The following LOXL4 variants were observed in gnomAD, a reference collection of about 807,000 sequenced individuals.
LOXL4 encodes the protein lysyl oxidase like 4.
A neutral mutation model predicts 89.1 loss-of-function variants in LOXL4; 72 were observed. The ratio of observed to expected loss-of-function variants is 0.81; its 90% confidence interval spans 0.67 to 0.98. The LOEUF (loss-of-function observed/expected upper bound fraction) is 0.98. Ranked by LOEUF, LOXL4 falls within the 50% of genes least tolerant of loss-of-function variation. The probability of loss-of-function intolerance (pLI) is 0.00; values close to 1 mark genes in which losing one functional copy is unlikely to be tolerated. For missense variants in LOXL4, 984 were observed against 1,017.5 expected (o/e 0.97, Z 0.45); for synonymous variants, 355 against 392.1 (o/e 0.91, Z 1.12).
chr10:98,249,259 T>C (rs1353325490), intron 14 of LOXL4, among the ~76,000 whole-genome samples: 2 of 152,252 alleles, frequency 1.3e-5, no homozygotes, highest in Non-Finnish European at 2.9e-5. Flanking sequence ...TTTTTCCCTC[T>C]GTGCCCTAGG....
At chr10:98,263,968 T>C (rs1858617109) in intron 1 of LOXL4, among the ~76,000 whole-genome samples, 1 of 151,986 alleles carries the variant, frequency 6.6e-6, no homozygotes, top group Non-Finnish European at 1.5e-5. Flanking sequence ...CCTGACCTCG[T>C]GATCCATCCG....
intron 10 of LOXL4, among the ~76,000 whole-genome samples, chr10:98,255,094 T>C (rs1448192837): frequency 6.6e-6 from 1 of 152,222 alleles, no homozygotes; most frequent in African/African-American, 2.4e-5. Context: ...CAAAGTCTTT[T>C]TGGGTAAATC....
At chr10:98,264,642 C>G (rs949737397) in intron 1 of LOXL4, among the ~76,000 whole-genome samples, 2 of 152,022 alleles carry the variant, frequency 1.3e-5, no homozygotes, top group East Asian at 1.9e-4. Flanking sequence ...TCCTCTCCCC[C>G]TCACACAGCA....
rs1467714622 is a variant in LOXL4 at position 98,247,904 on chromosome 10, C to A, written c.*1017G>T. 1 of 152,200 alleles carries A rather than the reference C, an allele frequency of 6.6e-6. No homozygotes were observed. The highest frequency in any genetic ancestry group is 1.5e-5 in the Non-Finnish European group (1 of 68,056). 9.4% of individuals were successfully genotyped at this position (152,200 alleles called of 1,614,324 possible). A position where few individuals can be genotyped will look rare whatever the true frequency, so the allele number is the denominator to read the frequency against. ...CATCCTTAACTAAACTGACTGTTCC[C>A]CCTTCTGATTTCTCCACGGTCTTCT... On this transcript the variant is annotated 3_prime_UTR_variant, in exon 15 of 15. Coordinates refer to ENST00000260702, the MANE Select transcript of LOXL4 (RefSeq NM_032211.7).
At chr10:98,251,207 G>A (rs1372344251) in intron 13 of LOXL4, 31 bp from the exon 14 acceptor site, 3 of 1,508,996 alleles carry the variant, frequency 2.0e-6, no homozygotes, top group South Asian at 2.3e-5. Flanking sequence ...ACTGAAAATG[G>A]GTGATTTGGT....
chr10:98,257,112 G>A (rs1009834342), intron 8 of LOXL4, among the ~76,000 whole-genome samples, 165 bp from the exon 9 acceptor site: 2 of 152,204 alleles, frequency 1.3e-5, no homozygotes, highest in Admixed American at 6.5e-5. Flanking sequence ...CAGTGTAGCA[G>A]GTAGTCTCTA....
chr10:98,258,225 C>T (rs922717193), intron 6 of LOXL4, 61 bp from the exon 7 acceptor site: 2 of 1,501,686 alleles, frequency 1.3e-6, no homozygotes, highest in South Asian at 1.3e-5. Context: ...GGGCTGAGCC[C>T]CCACAGCGGG....
chr10:98,257,461 C>G (rs887184617), intron 8 of LOXL4, among the ~76,000 whole-genome samples, 189 bp downstream of exon 8: 1 of 152,170 alleles, frequency 6.6e-6, no homozygotes, highest in Non-Finnish European at 1.5e-5. Context: ...ATCTGCAGAG[C>G]CCCTGTGGCC....
intron 3 of LOXL4, 26 bp downstream of exon 3, chr10:98,262,009 G>T: frequency 6.3e-7 from 1 of 1,587,768 alleles, no homozygotes; most frequent in South Asian, 1.1e-5. Flanking sequence ...CCTTGGCTCA[G>T]ACCAGAGCCT....
At chr10:98,266,606 C>T (rs140696941) in intron 1 of LOXL4, among the ~76,000 whole-genome samples, 79 of 152,244 alleles carry the variant, frequency 5.2e-4, no homozygotes, top group African/African-American at 1.7e-3. Flanking sequence ...GGTGGGGGGA[C>T]GGCAGCGGGA....
intron 2 of LOXL4, among the ~76,000 whole-genome samples, chr10:98,262,433 C>T (rs550029884): frequency 3.4e-4 from 52 of 152,286 alleles, no homozygotes; most frequent in Middle Eastern, 3.4e-3. Context: ...TGGAAAATGC[C>T]GGGTAGCTCT....
chr10:98,258,480 ACGAGGC>A (rs1858446596), intron 6 of LOXL4, among the ~76,000 whole-genome samples: 1 of 151,636 alleles, frequency 6.6e-6, no homozygotes, highest in South Asian at 2.1e-4. Flanking sequence ...GTACCACCTC[ACGAGGC>A]TATCTCAGTG....
At chr10:98,261,931 C>T (rs971830947) in intron 3 of LOXL4, 104 bp downstream of exon 3, 3 of 1,231,942 alleles carry the variant, frequency 2.4e-6, no homozygotes, top group African/African-American at 1.5e-5. Flanking sequence ...TCAGTGCAGA[C>T]TGCACCCTTT....
At chr10:98,258,900 G>T in intron 6 of LOXL4, 109 bp downstream of exon 6, 2 of 764,064 alleles carry the variant, frequency 2.6e-6, no homozygotes, top group Non-Finnish European at 4.2e-6. Context: ...CCTCCTCCCA[G>T]TCTGGTTCCT....
chr10:98,259,321 G>T (rs1212303460), intron 5 of LOXL4, 70 bp downstream of exon 5: 1 of 1,546,414 alleles, frequency 6.5e-7, no homozygotes, highest in Non-Finnish European at 8.9e-7. Context: ...GAAGGGGAGG[G>T]TAGGGGATGG....
rs753970718 is a variant in LOXL4, at chr10:98,257,658, GA to G, written c.1251del (p.Gln418ArgfsTer23). 1 of 1,613,442 alleles carries G rather than the reference GA, an allele frequency of 6.2e-7. No homozygotes were observed. Among genetic ancestry groups the G allele is most frequent in the South Asian group, 1.1e-5 (1 of 90,996 alleles). On this transcript the variant is annotated frameshift_variant, in exon 8 of 15. Coordinates refer to ENST00000260702, the MANE Select transcript of LOXL4 (RefSeq NM_032211.7). LOFTEE classifies it high-confidence loss of function. ...AVRCNVPNMG[F>X]QNQVRLAGGR... ...CTCAGACCCAAACTCACCTGATTCT[GA>G]AAGCCCATGTTAGGGACATTGCACC...
In LOXL4 at chr10:98,260,963, C is replaced by T. The variant is rs1476623118; in HGVS notation, c.621G>A (p.Leu207=). The change falls in exon 4 of 15, where the codon CTG becomes CTA. Residue 207 remains leucine, a synonymous_variant. Coordinates refer to ENST00000260702, the MANE Select transcript of LOXL4 (RefSeq NM_032211.7). ...MNNSRVVCGM[L]GFPSEVPVDS... Reference sequence around the variant, plus strand: ...CGACAGGCACCTCGCTGGGGAAGCCCAGCATCCCGCACACCACCCTGCTGT... The same window carrying T: ...CGACAGGCACCTCGCTGGGGAAGCCTAGCATCCCGCACACCACCCTGCTGT... The T allele has an allele frequency of 6.2e-7, 1 of 1,613,706 alleles. No individual in the cohort carries two copies. Among genetic ancestry groups the T allele is most frequent in the Non-Finnish European group, 8.5e-7 (1 of 1,179,948 alleles).
chr10:98,262,962 G>T lies in LOXL4; in HGVS notation c.58C>A (p.Pro20Thr), dbSNP rs1158062343. 1.2e-6 allele frequency: 2 copies of T among 1,613,754 alleles called. No individual in the cohort carries two copies. Among genetic ancestry groups the T allele is most frequent in the South Asian group, 1.1e-5 (1 of 91,082 alleles). Residue 20 changes from proline (P) to threonine (T), a missense_variant, in exon 2 of 15, where the codon CCT (proline) becomes ACT (threonine). Transcript: ENST00000260702. ...CCCAGTGACTGTGGCCTGCTGGGAG[G>T]GGGCTGGCCTAGCAGCAGCAGGAAC... is the stretch of plus-strand genomic sequence containing the variant. ...FLFLLLLGQP[P>T]PSRPQSLGTT...
rs1429614017 is a variant in LOXL4 at position 98,256,956 on chromosome 10, G to A, written c.1261-9C>T. 6.2e-7 allele frequency: 1 copy of A among 1,613,200 alleles called. No individual in the cohort carries two copies. Among genetic ancestry groups the A allele is most frequent in the Non-Finnish European group, 8.5e-7 (1 of 1,179,522 alleles). ...CCACCAGCCAAGCGCACCTGCAATG[G>A]CGAGGGGTGTGTGAGGAGTGGGGTA... On this transcript the variant is annotated splice_polypyrimidine_tract_variant and intron_variant, in intron 8 of 14. Coordinates refer to ENST00000260702, the MANE Select transcript of LOXL4 (RefSeq NM_032211.7).
Sources: allele counts gnomAD v4.1 joint callset (sites outside exome capture counted in the v4.1 genomes callset), GRCh38; gene constraint gnomAD v4.1.1; transcripts MANE v1.5; gene names NCBI Gene and HGNC (gene_info 2026-07-23, HGNC 2026-07-21).